TDRD9: variants seen among roughly 807,000 people sequenced by gnomAD.
TDRD9 encodes tudor domain containing 9.
A neutral mutation model predicts 172.6 loss-of-function variants in TDRD9; 124 were observed. That is an observed-to-expected ratio of 0.72 (90% CI 0.62 to 0.83). The LOEUF is 0.83. Among genes scored for constraint, TDRD9 ranks in the 40% least tolerant of loss-of-function variants. The pLI, the probability that TDRD9 is intolerant of heterozygous loss-of-function variation, is 0.00. For synonymous variants in TDRD9, 619 were observed against 617.1 expected (o/e 1.00, Z -0.05); for missense variants, 1,479 against 1,714.1 (o/e 0.86, Z 2.42).
chr14:104,034,852 T>A, intron 31 of TDRD9, 108 bp from the exon 32 acceptor site: 1 of 772,908 alleles, frequency 1.3e-6, no homozygotes, highest in Non-Finnish European at 2.1e-6. Flanking sequence ...CTGGACAGAC[T>A]CAGCAGAGGA....
intron 11 of TDRD9, 91 bp downstream of exon 11, chr14:103,994,694 C>A: frequency 9.5e-7 from 1 of 1,049,454 alleles, no homozygotes; most frequent in Non-Finnish European, 1.4e-6. Context: ...GGTGTCGTGG[C>A]TCATGCGTGT....
At position 104,021,252 on chromosome 14, in the gene TDRD9, G is replaced by T. The variant is rs534551885; in HGVS notation, c.2433-905G>T. The stretch of plus-strand genomic sequence containing the variant: ...ACAAGAACAGCAAGGGGGAAATCGC[G>T]CTCACAATCCGGTCACCTCCCACCA... On this transcript the variant is annotated intron_variant, in intron 23 of 35. Coordinates refer to ENST00000409874, the MANE Select transcript of TDRD9 (RefSeq NM_153046.3). 2.6e-5 allele frequency among the ~76,000 whole-genome samples: 4 copies of T among 152,174 alleles called. No homozygotes were observed. The South Asian group carries it at 8.3e-4, about 32-fold the overall frequency.
At position 104,052,182 on chromosome 14, in the gene TDRD9, A is replaced by T. The variant is rs2035954689; in HGVS notation, c.*100A>T. 2.6e-6 allele frequency: 2 copies of T among 779,612 alleles called. No homozygotes were observed. The highest frequency in any genetic ancestry group is 2.1e-6 in the Non-Finnish European group (1 of 472,426). 48.3% of individuals were successfully genotyped at this position (779,612 alleles called of 1,614,324 possible). Reference sequence around the variant, plus strand: ...TGACTTTCCTCTGTGTCTGGGTGTTACAGTCTGTGCCCACTGCATCCTAAA... The same window carrying T: ...TGACTTTCCTCTGTGTCTGGGTGTTTCAGTCTGTGCCCACTGCATCCTAAA... On this transcript the variant is annotated 3_prime_UTR_variant, in exon 36 of 36. Transcript: ENST00000409874.
At chr14:103,963,225 G>A in intron 3 of TDRD9, 49 bp downstream of exon 3, 1 of 1,308,768 alleles carries the variant, frequency 7.6e-7, no homozygotes. Context: ...ATACATGTCT[G>A]AGGCCCAATA....
At chr14:103,941,660 G>A (rs777331594) in intron 1 of TDRD9, 21 of 1,527,858 alleles carry the variant, frequency 1.4e-5, no homozygotes, top group Non-Finnish European at 1.8e-5. Context: ...TGTAGGAATC[G>A]TTTTTGGGCC....
intron 1 of TDRD9, among the ~76,000 whole-genome samples, chr14:103,950,045 CT>C (rs71126090): frequency 0.94 from 126,956 of 134,954 alleles, 60,236 homozygotes; most frequent in East Asian, 1. Context: ...CCTTCCTTCC[CT>C]TTTTTTTTTT....
chr14:104,025,467 G>C (rs74756040), intron 25 of TDRD9, 97 bp from the exon 26 acceptor site: 8 of 888,032 alleles, frequency 9.0e-6, no homozygotes, highest in African/African-American at 3.3e-5. Flanking sequence ...GTGAGGTGTC[G>C]TACAGCACAG....
At position 104,052,052 on chromosome 14, in the gene TDRD9, G is replaced by T. The variant is rs780819235; in HGVS notation, c.4119G>T (p.Gln1373His). 3.2e-6 allele frequency: 5 copies of T among 1,586,642 alleles called. No homozygotes were observed. The highest frequency in any genetic ancestry group is 2.6e-6 in the Non-Finnish European group (3 of 1,166,038). ...SSRGKNTFLY[Q>H]LHKLVVLGT ...GAGGGAAGAACACCTTTCTCTACCA[G>T]CTCCACAAACTGGTTGTGCTCGGCA... Residue 1373 changes from glutamine to histidine, a missense_variant, in exon 36 of 36, where the codon CAG (glutamine) becomes CAT (histidine). Transcript: ENST00000409874.
intron 27 of TDRD9, 63 bp downstream of exon 27, chr14:104,026,199 C>A: frequency 8.5e-7 from 1 of 1,177,762 alleles, no homozygotes; most frequent in Non-Finnish European, 1.3e-6. Flanking sequence ...TGGGTGGATT[C>A]CTGGGTCATA....
chr14:103,935,965 CAATAAT>C (rs910064582), intron 1 of TDRD9, among the ~76,000 whole-genome samples: 1 of 151,812 alleles, frequency 6.6e-6, no homozygotes, highest in Admixed American at 6.6e-5. Flanking sequence ...TAGGAGGTCA[CAATAAT>C]AATAATAATT....
At chr14:103,972,761 G>T (rs1481329547) in intron 6 of TDRD9, among the ~76,000 whole-genome samples, 2 of 152,236 alleles carry the variant, frequency 1.3e-5, no homozygotes, top group East Asian at 3.8e-4. Flanking sequence ...CATGTCCCCA[G>T]GTGGGGAAGC....
intron 31 of TDRD9, among the ~76,000 whole-genome samples, chr14:104,034,493 G>T (rs9944163): frequency 0.33 from 50,334 of 152,116 alleles, 8,511 homozygotes; most frequent in Middle Eastern, 0.37. Context: ...CCCAGCTTAC[G>T]TGCTGTTCTT....
chr14:104,004,620 C>T (rs139029533), intron 14 of TDRD9, among the ~76,000 whole-genome samples: 2,229 of 152,148 alleles, frequency 0.015, 40 homozygotes, highest in East Asian at 0.071. Context: ...CCTCGTGATC[C>T]GCCCGCCTTG....
At position 103,928,741 on chromosome 14, in the gene TDRD9, G is replaced by T; in HGVS notation, c.215+17G>T. 9.4e-7 allele frequency: 1 copy of T among 1,061,126 alleles called. No individual in the cohort carries two copies. The highest frequency in any genetic ancestry group is 1.2e-6 in the Non-Finnish European group (1 of 848,908). 65.7% of individuals were successfully genotyped at this position (1,061,126 alleles called of 1,614,324 possible). A position where few individuals can be genotyped will look rare whatever the true frequency, so the allele number is the denominator to read the frequency against. ...GTTCGAAAGGTAGGACGCGGGCGGGGCGGAGGCGGCTGGAGGGCGGCCGGG... is the reference window on the plus strand; with the variant it reads ...GTTCGAAAGGTAGGACGCGGGCGGGTCGGAGGCGGCTGGAGGGCGGCCGGG... On this transcript the variant is annotated intron_variant, in intron 1 of 35. Coordinates refer to ENST00000409874, the MANE Select transcript of TDRD9 (RefSeq NM_153046.3).
intron 24 of TDRD9, among the ~76,000 whole-genome samples, chr14:104,023,184 C>CAAAAAAAAAAAAAAAAA (rs10661391): frequency 6.2e-5 from 4 of 64,456 alleles, no homozygotes; most frequent in African/African-American, 2.9e-4. Context: ...GACTCCGTCT[C>CAAAAAAAAAAAAAAAAA]AAAAAAAAAA....
intron 5 of TDRD9, among the ~76,000 whole-genome samples, chr14:103,967,347 CAAAAAAAAAAA>C (rs11444885): frequency 1.4e-4 from 7 of 49,748 alleles, no homozygotes; most frequent in South Asian, 1.4e-3. Flanking sequence ...ACTAAAAATA[CAAAAAAAAAAA>C]AAAAAAAAAA....
Position 104,026,936 on chromosome 14 carries a change from C to A in TDRD9, c.3279C>A (p.Ser1093=), listed in dbSNP as rs754829828. 6.2e-7 allele frequency: 1 copy of A among 1,612,948 alleles called. No homozygotes were observed. The highest frequency in any genetic ancestry group is 1.1e-5 in the South Asian group (1 of 91,050). Residue 1093 remains serine, a synonymous_variant, in exon 28 of 36, where the codon TCC becomes TCA. Coordinates refer to ENST00000409874, the MANE Select transcript of TDRD9 (RefSeq NM_153046.3). ...YAELTEESYE[S]KQSHEVLKGL... is the part of the protein sequence containing the mutation. Reference sequence around the variant, plus strand: ...AGCTCACGGAGGAGTCCTACGAGTCCAAGGTGTGTGCTTTCGCCGTTGCTG... The same window carrying A: ...AGCTCACGGAGGAGTCCTACGAGTCAAAGGTGTGTGCTTTCGCCGTTGCTG...
chr14:103,973,566 G>A (rs2033122466), intron 6 of TDRD9, among the ~76,000 whole-genome samples: 1 of 152,224 alleles, frequency 6.6e-6, no homozygotes, highest in South Asian at 2.1e-4. Context: ...GGGCTGCCGG[G>A]GAGGGTGGAT....
chr14:103,934,748 C>T (rs2030644318), intron 1 of TDRD9, among the ~76,000 whole-genome samples: 1 of 152,240 alleles, frequency 6.6e-6, no homozygotes, highest in African/African-American at 2.4e-5. Context: ...CGCCACTGCA[C>T]TCCAGCCTGG....
Sources: allele counts gnomAD v4.1 joint callset (sites outside exome capture counted in the v4.1 genomes callset), GRCh38; gene constraint gnomAD v4.1.1; transcripts MANE v1.5; gene names NCBI Gene and HGNC (gene_info 2026-07-23, HGNC 2026-07-21).